PADI2: variants seen among roughly 807,000 people sequenced by gnomAD.
The protein encoded by PADI2 is protein-arginine deiminase type-2.
PADI2 carries 70 observed loss-of-function variants against 81.1 expected under a neutral mutation model. The observed-to-expected ratio is 0.86, with a 90% CI of 0.71 to 1.05. The LOEUF is 1.05. PADI2 is among the 50% of genes least tolerant of loss of function. The probability of loss-of-function intolerance (pLI) is 0.00; values close to 1 mark genes in which losing one functional copy is unlikely to be tolerated. For missense variants in PADI2, 853 were observed against 889.9 expected (o/e 0.96, Z 0.53); for synonymous variants, 338 against 358.0 (o/e 0.94, Z 0.63).
Position 17,086,617 on chromosome 1 carries a change from C to A in PADI2, c.738G>T (p.Ala246=), listed in dbSNP as rs758701185. The change falls in exon 7 of 16, where the codon GCG becomes GCT. Residue 246 remains alanine (A), a synonymous_variant. Coordinates refer to ENST00000375486, the MANE Select transcript of PADI2 (RefSeq NM_007365.3). ...YHVVKYTGGS[A]ELLFFVEGLC... Reference sequence around the variant, plus strand: ...GGCCTTCCACGAAGAACAGCAGCTCCGCGGAGCCACCCGTGTACTTGACCA... The same window carrying A: ...GGCCTTCCACGAAGAACAGCAGCTCAGCGGAGCCACCCGTGTACTTGACCA... The A allele has an allele frequency of 6.2e-7, 1 of 1,614,054 alleles. No individual in the cohort carries two copies. The highest frequency in any genetic ancestry group is 8.5e-7 in the Non-Finnish European group (1 of 1,179,970).
intron 13 of PADI2, among the ~76,000 whole-genome samples, chr1:17,074,367 G>A (rs995696654): frequency 6.1e-5 from 9 of 147,314 alleles, no homozygotes; most frequent in African/African-American, 2.3e-4. Flanking sequence ...ACTCCAGCCT[G>A]GGCAATAAGA....
chr1:17,086,734 C>A, intron 6 of PADI2, 35 bp from the exon 7 acceptor site: 2 of 1,593,024 alleles, frequency 1.3e-6, no homozygotes, highest in Non-Finnish European at 8.6e-7. Context: ...GACTCCCACC[C>A]GCATCAGAAA....
intron 10 of PADI2, among the ~76,000 whole-genome samples, chr1:17,081,181 T>C (rs1438022920): frequency 1.3e-5 from 2 of 152,344 alleles, no homozygotes; most frequent in African/African-American, 2.4e-5. Context: ...CTACTCATCA[T>C]AGTGTTAGGG....
intron 15 of PADI2, 125 bp downstream of exon 15, chr1:17,069,963 A>G (rs1174389388): frequency 6.3e-6 from 7 of 1,119,862 alleles, no homozygotes; most frequent in African/African-American, 3.1e-5. Context: ...AGGTGAGGTC[A>G]CACAGCAGCT....
intron 10 of PADI2, among the ~76,000 whole-genome samples, chr1:17,079,734 T>C (rs1203501729): frequency 6.6e-6 from 1 of 152,052 alleles, no homozygotes; most frequent in Non-Finnish European, 1.5e-5. Flanking sequence ...CACAGATACA[T>C]ATTGGTGATT....
chr1:17,111,862 G>A (rs2100213109), intron 1 of PADI2, among the ~76,000 whole-genome samples: 1 of 152,334 alleles, frequency 6.6e-6, no homozygotes, highest in Middle Eastern at 3.4e-3. Flanking sequence ...ATGGCCTGAG[G>A]TGGGGGTTAG....
At chr1:17,083,414 T>G (rs1462434334) in intron 9 of PADI2, 1 of 296,866 alleles carries the variant, frequency 3.4e-6, no homozygotes, top group African/African-American at 2.2e-5. Flanking sequence ...CAACTTAACT[T>G]GAAGCACATC....
chr1:17,087,154 C>T (rs1457202369), intron 6 of PADI2, among the ~76,000 whole-genome samples: 2 of 152,186 alleles, frequency 1.3e-5, no homozygotes, highest in African/African-American at 4.8e-5. Context: ...CTCTCATCCC[C>T]TCTGTATAAA....
Position 17,119,362 on chromosome 1 carries a change from C to T in PADI2, c.10G>A (p.Glu4Lys). Reference protein sequence around the residue: MLRERTVRLQYGSR... With the variant: MLRKRTVRLQYGSR... Reference sequence around the variant, plus strand: ...CCGTACTGCAGCCGCACGGTCCGCTCGCGCAGCATCCTCCCCGCCGCAGTG... The same window carrying T: ...CCGTACTGCAGCCGCACGGTCCGCTTGCGCAGCATCCTCCCCGCCGCAGTG... Residue 4 changes from glutamate (E) to lysine (K), a missense_variant, in exon 1 of 16, where the codon GAG becomes AAG. Transcript: ENST00000375486. The surrounding 1 kb of genome is among the most constrained non-coding windows in gnomAD (Gnocchi z 4.8). The T allele has an allele frequency of 5.2e-6, 8 of 1,534,542 alleles. No homozygotes were observed. In the South Asian group the frequency reaches 9.7e-5, roughly 19 times the overall value.
intron 3 of PADI2, 151 bp downstream of exon 3, chr1:17,102,836 A>G (rs1346969321): frequency 3.2e-6 from 2 of 620,704 alleles, no homozygotes; most frequent in South Asian, 1.8e-5. Flanking sequence ...GGTGGGGCAC[A>G]TGTGACATCC....
intron 3 of PADI2, among the ~76,000 whole-genome samples, chr1:17,100,231 T>C (rs1931094611): frequency 6.6e-6 from 1 of 151,716 alleles, no homozygotes; most frequent in Non-Finnish European, 1.5e-5. Flanking sequence ...AGAAGTTCAA[T>C]GGTGTTAGTT....
At chr1:17,100,068 C>T (rs1028246202) in intron 3 of PADI2, among the ~76,000 whole-genome samples, 41 of 151,908 alleles carry the variant, frequency 2.7e-4, no homozygotes, top group African/African-American at 9.7e-4. Context: ...GCCTCTGAGG[C>T]GCTGCCCCTG....
intron 10 of PADI2, among the ~76,000 whole-genome samples, chr1:17,080,472 T>C (rs1313384564): frequency 6.6e-6 from 1 of 152,126 alleles, no homozygotes; most frequent in African/African-American, 2.4e-5. Flanking sequence ...AGAAGCAGAG[T>C]GGCAGACCAC....
chr1:17,076,663 C>T (rs1043772559), intron 11 of PADI2, among the ~76,000 whole-genome samples: 8 of 151,880 alleles, frequency 5.3e-5, no homozygotes, highest in Non-Finnish European at 7.4e-5. Flanking sequence ...TGCAATATCT[C>T]CCTCCCTGGT....
At chr1:17,108,175 C>T (rs1471802734) in intron 1 of PADI2, among the ~76,000 whole-genome samples, 3 of 152,108 alleles carry the variant, frequency 2.0e-5, no homozygotes, top group Non-Finnish European at 4.4e-5. Flanking sequence ...TCTTGAACTC[C>T]TGACCTCAGG....
intron 1 of PADI2, among the ~76,000 whole-genome samples, chr1:17,109,857 A>G (rs1931512829): frequency 6.6e-6 from 1 of 152,164 alleles, no homozygotes; most frequent in African/African-American, 2.4e-5. Flanking sequence ...TTTAGGAAAA[A>G]ATGTTTTACA....
intron 5 of PADI2, among the ~76,000 whole-genome samples, chr1:17,092,911 T>A (rs1930753245): frequency 7.3e-6 from 1 of 137,514 alleles, no homozygotes; most frequent in Admixed American, 7.8e-5. Flanking sequence ...ATCATGCCAC[T>A]GCACTCCAGC....
In PADI2 at chr1:17,093,648, T is replaced by G. The variant is rs772160530; in HGVS notation, c.448A>C (p.Ile150Leu). Residue 150 changes from isoleucine to leucine, a missense_variant, in exon 5 of 16, where the codon ATC becomes CTC. By Grantham distance (5) the Ile-to-Leu change is conservative (BLOSUM62 2). Transcript: ENST00000375486. ...TCTCGGTCACAGTTCACCAGCAGGA[T>G]GGCCCCCTGGCCCTCGGGGCCCCAG... is the stretch of plus-strand genomic sequence containing the variant. ...WTWGPEGQGA[I>L]LLVNCDRETP... 1 of 1,613,962 alleles carries G rather than the reference T, an allele frequency of 6.2e-7. No individual in the cohort carries two copies. Among genetic ancestry groups the G allele is most frequent in the Admixed American group, 1.7e-5 (1 of 60,002 alleles).
intron 10 of PADI2, among the ~76,000 whole-genome samples, chr1:17,079,903 C>A (rs1179949249): frequency 6.6e-6 from 1 of 151,530 alleles, no homozygotes; most frequent in Non-Finnish European, 1.5e-5. Flanking sequence ...AAGTGATTCT[C>A]CTGCCTCAGC....
Sources: gnomAD v4.1 joint callset for allele counts (sites outside exome capture counted in the v4.1 genomes callset) on GRCh38, gnomAD v4.1.1 for gene constraint, Gnocchi (gnomAD v3.1) non-coding constraint, MANE v1.5 for transcripts, NCBI Gene and HGNC (gene_info 2026-07-23, HGNC 2026-07-21) for gene names.